Variants in SLC9B1 observed in about 807,000 individuals in gnomAD.
SLC9B1 encodes solute carrier family 9 member B1, also known as sodium/hydrogen exchanger 9B1.
Under a neutral mutation model 51.7 loss-of-function variants are expected in SLC9B1, and 32 were observed. The observed-to-expected ratio is 0.62, with a 90% CI of 0.47 to 0.83. The LOEUF is 0.83. Among genes scored for constraint, SLC9B1 ranks in the 40% least tolerant of loss-of-function variants. The pLI is 0.00. For missense variants in SLC9B1, 406 were observed against 613.2 expected, an observed-to-expected ratio of 0.66 and a Z score of 3.57; for synonymous variants, 145 against 212.7, an observed-to-expected ratio of 0.68 and a Z score of 2.77.
chr4:103,009,040 C>T (rs902836563), intron 1 of SLC9B1, among the ~76,000 whole-genome samples: 1 of 152,060 alleles, frequency 6.6e-6, no homozygotes, highest in South Asian at 2.1e-4. Flanking sequence ...CCTCGTGATC[C>T]GCCCACCTTG....
chr4:102,937,607 C>T (rs1016587828), intron 6 of SLC9B1, among the ~76,000 whole-genome samples: 4 of 149,918 alleles, frequency 2.7e-5, no homozygotes, highest in African/African-American at 9.8e-5. Flanking sequence ...TGTCTGTAGT[C>T]CCAGCTACTC....
intron 6 of SLC9B1, among the ~76,000 whole-genome samples, chr4:102,941,978 T>C (rs1241666113): frequency 6.6e-6 from 1 of 152,112 alleles, no homozygotes; most frequent in Non-Finnish European, 1.5e-5. Context: ...ACAAAATCAA[T>C]GTACACAAAT....
chr4:102,941,710 T>C (rs1172200264), intron 6 of SLC9B1, among the ~76,000 whole-genome samples: 3 of 138,502 alleles, frequency 2.2e-5, no homozygotes, highest in Non-Finnish European at 3.1e-5. Flanking sequence ...TTATACTGAA[T>C]GGGGAAAAGT....
intron 6 of SLC9B1, among the ~76,000 whole-genome samples, chr4:102,939,406 C>CAAAAAAAAAAA (rs56014819): frequency 1.5e-5 from 1 of 68,256 alleles, no homozygotes; most frequent in African/African-American, 5.9e-5. Context: ...GTCTCTGAGC[C>CAAAAAAAAAAA]AAAAAAAAAA....
intron 3 of SLC9B1, among the ~76,000 whole-genome samples, chr4:102,957,602 C>T (rs776263454): frequency 2.9e-4 from 44 of 152,230 alleles, no homozygotes; most frequent in African/African-American, 9.9e-4. Context: ...GAAATAAAGA[C>T]ATTTCCAGAT....
intron 7 of SLC9B1, among the ~76,000 whole-genome samples, chr4:102,922,495 A>T (rs889668261): frequency 4.6e-5 from 7 of 152,236 alleles, no homozygotes; most frequent in Admixed American, 4.6e-4. Flanking sequence ...ATCACAATTA[A>T]AAGAACTAGA....
chr4:103,003,387 C>T (rs915761341), intron 1 of SLC9B1, among the ~76,000 whole-genome samples: 1 of 151,728 alleles, frequency 6.6e-6, no homozygotes, highest in Non-Finnish European at 1.5e-5. Flanking sequence ...GTGTAATGAA[C>T]CCTGTAACTC....
At chr4:102,987,575 G>C (rs1739701548) in intron 3 of SLC9B1, among the ~76,000 whole-genome samples, 1 of 151,136 alleles carries the variant, frequency 6.6e-6, no homozygotes, top group Non-Finnish European at 1.5e-5. Context: ...TTTTTTTTTG[G>C]GGGGCAGACT....
chr4:102,984,600 T>C (rs1260888652), intron 3 of SLC9B1, among the ~76,000 whole-genome samples: 3 of 152,210 alleles, frequency 2.0e-5, no homozygotes, highest in Admixed American at 1.3e-4. Flanking sequence ...GTATGTTTTA[T>C]GGCTCAGGAT....
intron 7 of SLC9B1, among the ~76,000 whole-genome samples, chr4:102,927,102 A>T (rs1383887131): frequency 3.3e-5 from 5 of 152,258 alleles, no homozygotes; most frequent in Non-Finnish European, 7.3e-5. Flanking sequence ...AATTAATTCA[A>T]GATGGATTAA....
At chr4:102,919,968 G>A (rs747832590) in intron 7 of SLC9B1, among the ~76,000 whole-genome samples, 3 of 152,240 alleles carry the variant, frequency 2.0e-5, no homozygotes, top group Non-Finnish European at 2.9e-5. Flanking sequence ...CTCCACCTCT[G>A]TGGGCAGGGA....
At position 103,019,640 on chromosome 4, in the gene SLC9B1, C is replaced by T; in HGVS notation, c.-43G>A. The T allele has an allele frequency of 1.0e-6, 1 of 985,470 alleles. No homozygotes were observed. The highest frequency in any genetic ancestry group is 1.2e-6 in the Non-Finnish European group (1 of 829,970). 61.0% of individuals were successfully genotyped at this position (985,470 alleles called of 1,614,324 possible). On this transcript the variant is annotated 5_prime_UTR_variant, in exon 1 of 12. Transcript: ENST00000296422. ...AGCCCTCGCTGGCCCGGGAGCGGCC[C>T]AGGAGCCCAGTGACCGTTGCGTAAG...
intron 1 of SLC9B1, among the ~76,000 whole-genome samples, chr4:102,995,032 G>A (rs1435770144): frequency 1.3e-5 from 2 of 152,248 alleles, no homozygotes; most frequent in East Asian, 3.9e-4. Context: ...GGAGGTAGGT[G>A]AATCACCTAA....
At position 102,969,284 on chromosome 4, in the gene SLC9B1, C is replaced by T. The variant is rs1457575770; in HGVS notation, c.212-19857G>A. On this transcript the variant is annotated intron_variant, in intron 3 of 11. Coordinates refer to ENST00000296422, the MANE Select transcript of SLC9B1 (RefSeq NM_139173.4). Reference sequence around the variant, plus strand: ...GGGTGTCCCTCTGATATGAAGCTTCCAGAGGAAGGATCAGGCAGCAATATT... The same window carrying T: ...GGGTGTCCCTCTGATATGAAGCTTCTAGAGGAAGGATCAGGCAGCAATATT... 5.3e-5 allele frequency among the ~76,000 whole-genome samples: 8 copies of T among 152,282 alleles called. No individual in the cohort carries two copies. In the East Asian group the frequency reaches 1.5e-3, roughly 29 times the overall value.
At chr4:102,900,412 T>A (rs1344142130), downstream of SLC9B1, among the ~76,000 whole-genome samples, 101 of 152,396 alleles carry the variant, frequency 6.6e-4, 1 homozygote, top group Middle Eastern at 3.4e-3. Flanking sequence ...CTGCCTTTTA[T>A]GCCTAGATTT....
chr4:102,954,879 T>C (rs1293837653), intron 3 of SLC9B1, among the ~76,000 whole-genome samples: 2 of 152,158 alleles, frequency 1.3e-5, no homozygotes, highest in Non-Finnish European at 2.9e-5. Context: ...GGAGGTGACA[T>C]GAAAAGGTTG....
chr4:102,979,808 A>T (rs1315225138), intron 3 of SLC9B1, among the ~76,000 whole-genome samples: 1 of 152,122 alleles, frequency 6.6e-6, no homozygotes, highest in African/African-American at 2.4e-5. Context: ...GCTCTCTACA[A>T]CCTACAGAAT....
intron 3 of SLC9B1, among the ~76,000 whole-genome samples, chr4:102,965,793 AAAC>A (rs1738392320): frequency 6.6e-6 from 1 of 151,362 alleles, no homozygotes; most frequent in South Asian, 2.1e-4. Context: ...ATAAAAAAAA[AAAC>A]AACAAGTTAT....
chr4:102,997,592 C>A (rs1740293787), intron 1 of SLC9B1, among the ~76,000 whole-genome samples: 1 of 152,124 alleles, frequency 6.6e-6, no homozygotes, highest in Non-Finnish European at 1.5e-5. Flanking sequence ...TACATACATA[C>A]ACAGTCAGCA....
Sources: gnomAD v4.1 joint callset for allele counts (sites outside exome capture counted in the v4.1 genomes callset) on GRCh38, gnomAD v4.1.1 for gene constraint, MANE v1.5 for transcripts, NCBI Gene and HGNC (gene_info 2026-07-23, HGNC 2026-07-21) for gene names.